Variants in ICAM1 observed in about 807,000 individuals in gnomAD.
The protein encoded by ICAM1 is ICAM-1.
Under a neutral mutation model 42.3 loss-of-function variants are expected in ICAM1, and 28 were observed. The ratio of observed to expected loss-of-function variants is 0.66; its 90% CI spans 0.49 to 0.91. The LOEUF is 0.91. Among genes scored for constraint, ICAM1 ranks in the 40% least tolerant of loss-of-function variants. ICAM1 has a pLI of 0.00. For missense variants in ICAM1, 637 were observed against 688.6 expected (o/e 0.93, Z 0.84); for synonymous variants, 304 against 305.9 (o/e 0.99, Z 0.07).
chr19:10,278,550 T>C (rs1358110651), intron 2 of ICAM1, among the ~76,000 whole-genome samples: 1 of 67,204 alleles, frequency 1.5e-5, no homozygotes, highest in African/African-American at 5.8e-5. Context: ...TGATAGGTCT[T>C]TTTTTTTTTT....
intron 2 of ICAM1, among the ~76,000 whole-genome samples, chr19:10,281,829 A>G (rs191693969): frequency 1.3e-5 from 2 of 151,054 alleles, no homozygotes; most frequent in African/African-American, 4.9e-5. Flanking sequence ...TCCTGGGCTG[A>G]AGTAATCCTT....
intron 1 of ICAM1, among the ~76,000 whole-genome samples, chr19:10,272,307 G>A (rs974939919): frequency 6.6e-6 from 1 of 152,058 alleles, no homozygotes; most frequent in African/African-American, 2.4e-5. Flanking sequence ...GTTCTGATCC[G>A]GACTCAGACC....
intron 2 of ICAM1, chr19:10,283,263 T>C (rs2040074169): frequency 2.0e-6 from 1 of 488,980 alleles, no homozygotes; most frequent in South Asian, 4.1e-5. Context: ...TCTAAGATGC[T>C]GCTGTCATGA....
chr19:10,283,508 C>T lies in ICAM1; in HGVS notation c.359C>T (p.Pro120Leu). The change falls in exon 3 of 7, where the codon CCC (proline) becomes CTC (leucine). Residue 120 changes from proline (P) to leucine (L), a missense_variant. By Grantham distance (98) the Pro-to-Leu change is moderately conservative. Coordinates refer to ENST00000264832, the MANE Select transcript of ICAM1 (RefSeq NM_000201.3). ...ACTCCAGAACGGGTGGAACTGGCAC[C>T]CCTCCCCTCTTGGCAGCCAGTGGGC... is the stretch of plus-strand genomic sequence containing the variant. ...YWTPERVELA[P>L]LPSWQPVGKN... The T allele has an allele frequency of 1.3e-6, 2 of 1,583,872 alleles. No individual in the cohort carries two copies. Among genetic ancestry groups the T allele is most frequent in the Non-Finnish European group, 1.7e-6 (2 of 1,162,814 alleles).
At chr19:10,281,065 G>A (rs965241570) in intron 2 of ICAM1, among the ~76,000 whole-genome samples, 81 of 151,492 alleles carry the variant, frequency 5.3e-4, no homozygotes, top group East Asian at 9.7e-4. Context: ...AGTAGAGACG[G>A]GGTTTCACCG....
intron 2 of ICAM1, among the ~76,000 whole-genome samples, chr19:10,278,747 G>A (rs2040034791): frequency 6.6e-6 from 1 of 151,710 alleles, no homozygotes; most frequent in Non-Finnish European, 1.5e-5. Context: ...TCGCCAAGTT[G>A]GCCAGGCTGG....
At position 10,284,417 on chromosome 19, in the gene ICAM1, A is replaced by G. The variant is rs2040086602; in HGVS notation, c.940A>G (p.Asn314Asp). ...TVTIYSFPAP[N>D]VILTKPEVSE... is the part of the protein sequence containing the mutation. ...GCCTATTCCAGGCTTTCCGGCGCCC[A>G]ACGTGATTCTGACGAAGCCAGAGGT... The change falls in exon 5 of 7, where the codon AAC becomes GAC. Residue 314 changes from asparagine (N) to aspartate (D), a missense_variant. By Grantham distance (23) the Asn-to-Asp change is conservative. Transcript: ENST00000264832. This position sits in a 1 kb window ranked among gnomAD's most constrained non-coding sequence, Gnocchi z 5.4. 1.2e-6 allele frequency: 2 copies of G among 1,613,320 alleles called. No homozygotes were observed. The highest frequency in any genetic ancestry group is 1.7e-6 in the Non-Finnish European group (2 of 1,180,014).
intron 2 of ICAM1, among the ~76,000 whole-genome samples, chr19:10,281,082 C>T (rs896764958): frequency 9.9e-5 from 15 of 150,954 alleles, no homozygotes; most frequent in African/African-American, 2.9e-4. Flanking sequence ...ACCGTGTTAG[C>T]CAGGATGGTC....
chr19:10,272,703 C>T (rs546508583), intron 1 of ICAM1, among the ~76,000 whole-genome samples: 8 of 151,448 alleles, frequency 5.3e-5, no homozygotes, highest in Admixed American at 3.3e-4. Context: ...GTAGCTGGGA[C>T]TACAGGCATG....
chr19:10,284,961 C>T lies in ICAM1; in HGVS notation c.1359C>T (p.Gly453=), dbSNP rs750997842. 4 of 1,611,462 alleles carry T rather than the reference C, an allele frequency of 2.5e-6. No individual in the cohort carries two copies. The change falls in exon 6 of 7, where the codon GGC becomes GGT. Residue 453 remains glycine (G), a synonymous_variant. Coordinates refer to ENST00000264832, the MANE Select transcript of ICAM1 (RefSeq NM_000201.3). The surrounding 1 kb of genome is among the most constrained non-coding windows in gnomAD (Gnocchi z 5.4). ...TGACTGTCACTCGAGATCTTGAGGG[C>T]ACCTACCTCTGTCGGGCCAGGAGCA... ...ESVTVTRDLE[G]TYLCRARSTQ...
chr19:10,273,865 T>C (rs2039998951), intron 1 of ICAM1, among the ~76,000 whole-genome samples: 1 of 150,788 alleles, frequency 6.6e-6, no homozygotes, highest in Non-Finnish European at 1.5e-5. Context: ...AATACAAAAA[T>C]TAGCTGGGCG....
chr19:10,278,227 G>C (rs184084526), intron 2 of ICAM1, among the ~76,000 whole-genome samples: 1 of 152,172 alleles, frequency 6.6e-6, no homozygotes, highest in East Asian at 1.9e-4. Flanking sequence ...AGTAGCTTTG[G>C]GATTAGCCTT....
In ICAM1 at chr19:10,284,976, G is replaced by A. The variant is rs746262793; in HGVS notation, c.1374G>A (p.Arg458=). ...TRDLEGTYLC[R]ARSTQGEVTR... ...ATCTTGAGGGCACCTACCTCTGTCG[G>A]GCCAGGAGCACTCAAGGGGAGGTCA... The change falls in exon 6 of 7, where the codon CGG becomes CGA. Residue 458 remains arginine (R), a synonymous_variant. Transcript: ENST00000264832. The surrounding 1 kb of genome is among the most constrained non-coding windows in gnomAD (Gnocchi z 5.4). The A allele has an allele frequency of 3.0e-5, 48 of 1,612,548 alleles. No homozygotes were observed. The highest frequency in any genetic ancestry group is 3.9e-5 in the Non-Finnish European group (46 of 1,179,134).
Position 10,285,015 on chromosome 19 carries a change from C to T in ICAM1, c.1413C>T (p.Thr471=), listed in dbSNP as rs751531507. The T allele has an allele frequency of 1.9e-5, 30 of 1,613,410 alleles. No individual in the cohort carries two copies. The East Asian group carries it at 2.2e-4, about 12-fold the overall frequency. Residue 471 remains threonine (T), a synonymous_variant, in exon 6 of 7, where the codon ACC becomes ACT. Transcript: ENST00000264832. The part of the protein sequence containing the change: ...STQGEVTRKV[T]VNVLSPRYEI... ...AAGGGGAGGTCACCCGCAAGGTGAC[C>T]GTGAATGTGCTCTGTGAGTGAGCCG...
Position 10,283,570 on chromosome 19 carries a change from G to A in ICAM1, c.421G>A (p.Ala141Thr). The change falls in exon 3 of 7, where the codon GCA (alanine) becomes ACA (threonine). Residue 141 changes from alanine (A) to threonine (T), a missense_variant. Coordinates refer to ENST00000264832, the MANE Select transcript of ICAM1 (RefSeq NM_000201.3). ...LTLRCQVEGG[A>T]PRANLTVVLL... ...CCTACGCTGCCAGGTGGAGGGTGGG[G>A]CACCCCGGGCCAACCTCACCGTGGT... is the stretch of plus-strand genomic sequence containing the variant. 1 of 1,613,402 alleles carries A rather than the reference G, an allele frequency of 6.2e-7. No homozygotes were observed. Among genetic ancestry groups the A allele is most frequent in the Non-Finnish European group, 8.5e-7 (1 of 1,179,786 alleles).
intron 2 of ICAM1, among the ~76,000 whole-genome samples, chr19:10,276,347 C>T (rs2040016650): frequency 1.3e-5 from 2 of 150,138 alleles, no homozygotes; most frequent in Non-Finnish European, 3.0e-5. Flanking sequence ...AGATCGAGAC[C>T]ATCCTGGCTA....
In ICAM1 at chr19:10,284,682, C is replaced by A. The variant is rs756424583; in HGVS notation, c.1180+25C>A. The A allele has an allele frequency of 6.2e-7, 1 of 1,613,328 alleles. No homozygotes were observed. Among genetic ancestry groups the A allele is most frequent in the Non-Finnish European group, 8.5e-7 (1 of 1,179,596 alleles). Reference sequence around the variant, plus strand: ...TGTGAGTGGGGCTGCTGGTCAATGGCCCCTATCCCCCAAGGCCCAATCTCC... The same window carrying A: ...TGTGAGTGGGGCTGCTGGTCAATGGACCCTATCCCCCAAGGCCCAATCTCC... On this transcript the variant is annotated intron_variant, in intron 5 of 6. Coordinates refer to ENST00000264832, the MANE Select transcript of ICAM1 (RefSeq NM_000201.3). The surrounding 1 kb of genome is among the most constrained non-coding windows in gnomAD (Gnocchi z 5.4).
chr19:10,284,862 G>A lies in ICAM1; in HGVS notation c.1260G>A (p.Gln420=), dbSNP rs1224715941. ...PENSQQTPMC[Q]AWGNPLPELK... Reference sequence around the variant, plus strand: ...ATTCCCAGCAGACTCCAATGTGCCAGGCTTGGGGGAACCCATTGCCCGAGC... The same window carrying A: ...ATTCCCAGCAGACTCCAATGTGCCAAGCTTGGGGGAACCCATTGCCCGAGC... The change falls in exon 6 of 7, where the codon CAG becomes CAA. Residue 420 remains glutamine (Q), a synonymous_variant. Coordinates refer to ENST00000264832, the MANE Select transcript of ICAM1 (RefSeq NM_000201.3). This position sits in a 1 kb window ranked among gnomAD's most constrained non-coding sequence, Gnocchi z 5.4. 2.4e-5 allele frequency: 39 copies of A among 1,596,280 alleles called. No individual in the cohort carries two copies. The Admixed American group carries it at 7.2e-4, about 30-fold the overall frequency.
At position 10,285,025 on chromosome 19, in the gene ICAM1, C is replaced by T. The variant is rs1453198780; in HGVS notation, c.1423C>T (p.Leu475Phe). 3.1e-6 allele frequency: 5 copies of T among 1,613,756 alleles called. No homozygotes were observed. In the South Asian group the frequency reaches 4.4e-5, roughly 14 times the overall value. ...EVTRKVTVNVLSPRYEIVIIT... is the reference protein window; with the variant it reads ...EVTRKVTVNVFSPRYEIVIIT... ...CACCCGCAAGGTGACCGTGAATGTG[C>T]TCTGTGAGTGAGCCGGCGGGCAGAG... is the stretch of plus-strand genomic sequence containing the variant. Residue 475 changes from leucine to phenylalanine, a missense_variant, in exon 6 of 7, where the codon CTC becomes TTC. Physicochemically the swap from Leu to Phe is conservative, Grantham distance 22. Coordinates refer to ENST00000264832, the MANE Select transcript of ICAM1 (RefSeq NM_000201.3).
Sources: gnomAD v4.1 joint callset for allele counts (sites outside exome capture counted in the v4.1 genomes callset) on GRCh38, gnomAD v4.1.1 for gene constraint, Gnocchi (gnomAD v3.1) non-coding constraint, MANE v1.5 for transcripts, NCBI Gene and HGNC (gene_info 2026-07-23, HGNC 2026-07-21) for gene names.